Variants in OSBPL2 observed in about 807,000 individuals in gnomAD.
OSBPL2 encodes the protein oxysterol binding protein like 2, also known as oxysterol-binding protein-related protein 2.
OSBPL2 carries 18 observed loss-of-function variants against 58.4 expected under a neutral mutation model. The ratio of observed to expected loss-of-function variants is 0.31; its 90% CI spans 0.21 to 0.46. The LOEUF (loss-of-function observed/expected upper bound fraction) is 0.46. Ranked by LOEUF, OSBPL2 falls within the 20% of genes least tolerant of loss-of-function variation. The probability of loss-of-function intolerance (pLI) is 1.00; values close to 1 mark genes in which losing one functional copy is unlikely to be tolerated. For missense variants in OSBPL2, 461 were observed against 616.5 expected, an observed-to-expected ratio of 0.75 and a Z score of 2.67; for synonymous variants, 221 against 234.1, an observed-to-expected ratio of 0.94 and a Z score of 0.51.
intron 2 of OSBPL2, among the ~76,000 whole-genome samples, chr20:62,257,206 G>A (rs1394071951): frequency 6.6e-6 from 1 of 152,118 alleles, no homozygotes; most frequent in East Asian, 1.9e-4. Flanking sequence ...CAGGGTGGGT[G>A]TGTCAGGAGG....
At chr20:62,268,028 G>A (rs555482044) in intron 4 of OSBPL2, among the ~76,000 whole-genome samples, 182 of 150,548 alleles carry the variant, frequency 1.2e-3, no homozygotes, top group East Asian at 4.9e-3. Context: ...GACTACAGGC[G>A]CCTGCCACCG....
At position 62,288,306 on chromosome 20, in the gene OSBPL2, G is replaced by A. The variant is rs889561442; in HGVS notation, c.1126-901G>A. On this transcript the variant is annotated intron_variant, in intron 11 of 13. Transcript: ENST00000313733. The surrounding 1 kb of genome is among the most constrained non-coding windows in gnomAD (Gnocchi z 4.8). ...GGCAGCAACAGAAGAGGGAGGACAC[G>A]GGTGGTGGCTGGAGGGCCTGGCTGT... Among the ~76,000 whole-genome samples, 1 of 152,206 alleles carries A rather than the reference G, an allele frequency of 6.6e-6. No individual in the cohort carries two copies. Among genetic ancestry groups the A allele is most frequent in the African/African-American group, 2.4e-5 (1 of 41,446 alleles).
intron 4 of OSBPL2, among the ~76,000 whole-genome samples, chr20:62,266,298 T>C (rs1199671590): frequency 6.6e-6 from 1 of 152,150 alleles, no homozygotes; most frequent in Non-Finnish European, 1.5e-5. Flanking sequence ...GTGGGGCAGC[T>C]CCACCCCTTA....
Position 62,284,385 on chromosome 20 carries a change from T to G in OSBPL2, c.996+216T>G, listed in dbSNP as rs1982983464. On this transcript the variant is annotated intron_variant, in intron 10 of 13. Transcript: ENST00000313733. ...CTGTATTTCTTTCCATTTTTTTTTTTTTTCCCCTCCAGGCAGGGTCTCCCT... is the reference window on the plus strand; with the variant it reads ...CTGTATTTCTTTCCATTTTTTTTTTGTTTCCCCTCCAGGCAGGGTCTCCCT... The G allele has an allele frequency of 5.6e-6, 3 of 536,876 alleles. No individual in the cohort carries two copies. The Admixed American group carries it at 9.5e-5, about 17-fold the overall frequency. 33.3% of individuals were successfully genotyped at this position (536,876 alleles called of 1,614,324 possible).
intron 3 of OSBPL2, among the ~76,000 whole-genome samples, chr20:62,262,293 G>T (rs1435071354): frequency 6.6e-6 from 1 of 152,222 alleles, no homozygotes; most frequent in Admixed American, 6.5e-5. Context: ...CCCGAGCCCT[G>T]TTGCCTCCCG....
intron 7 of OSBPL2, 128 bp from the exon 8 acceptor site, chr20:62,280,930 A>G (rs1982738019): frequency 4.3e-6 from 3 of 695,764 alleles, no homozygotes; most frequent in Admixed American, 2.1e-5. Flanking sequence ...AGGGGCTTCA[A>G]AGCAGCGTGC....
Position 62,271,002 on chromosome 20 carries a change from C to T in OSBPL2, c.259-1123C>T, listed in dbSNP as rs151306140. Among the ~76,000 whole-genome samples, 216 of 148,586 alleles carry T rather than the reference C, an allele frequency of 1.5e-3. 1 individual carries two copies. Among genetic ancestry groups the T allele is most frequent in the African/African-American group, 5.1e-3 (204 of 40,240 alleles). ...GGGTCCTCTCCTTGTCCCTCTCTGG[C>T]CTCTCTGGGTCCTTTCCTTGTCCCT... is the stretch of plus-strand genomic sequence containing the variant. On this transcript the variant is annotated intron_variant, in intron 4 of 13. Coordinates refer to ENST00000313733, the MANE Select transcript of OSBPL2 (RefSeq NM_144498.4).
Position 62,291,813 on chromosome 20 carries a change from C to T in OSBPL2, c.1340+20C>T, listed in dbSNP as rs1983531548. Reference sequence around the variant, plus strand: ...GACGAGGTGAGTACTGTGGTAGCCACGCAGGCTGGGGCAGCGGGGAGGCCC... The same window carrying T: ...GACGAGGTGAGTACTGTGGTAGCCATGCAGGCTGGGGCAGCGGGGAGGCCC... On this transcript the variant is annotated intron_variant, in intron 13 of 13. Coordinates refer to ENST00000313733, the MANE Select transcript of OSBPL2 (RefSeq NM_144498.4). 1.2e-6 allele frequency: 2 copies of T among 1,605,946 alleles called. No individual in the cohort carries two copies. The highest frequency in any genetic ancestry group is 1.7e-6 in the Non-Finnish European group (2 of 1,174,218).
chr20:62,257,396 C>T (rs143176649), intron 2 of OSBPL2, among the ~76,000 whole-genome samples: 11 of 152,366 alleles, frequency 7.2e-5, no homozygotes, highest in African/African-American at 2.2e-4. Context: ...CGCTCCTTAC[C>T]GGCTTCAAAG....
intron 10 of OSBPL2, 176 bp downstream of exon 10, chr20:62,284,345 A>G: frequency 1.5e-6 from 1 of 649,422 alleles, no homozygotes; most frequent in Non-Finnish European, 2.6e-6. Flanking sequence ...TTCCAGTATC[A>G]GTGAGGGGGT....
chr20:62,278,984 G>A (rs1227218711), intron 6 of OSBPL2, 173 bp from the exon 7 acceptor site: 38 of 574,558 alleles, frequency 6.6e-5, no homozygotes, highest in Non-Finnish European at 8.9e-5. Context: ...TGTTGCCAAC[G>A]TTAGGCCAAG....
chr20:62,290,414 T>TTG (rs1983421154), intron 12 of OSBPL2, among the ~76,000 whole-genome samples: 1 of 127,326 alleles, frequency 7.9e-6, no homozygotes, highest in Non-Finnish European at 1.7e-5. Flanking sequence ...TTTTTGGGTT[T>TTG]TTTTTTTTTT....
chr20:62,291,517 T>C (rs2145981674), intron 12 of OSBPL2, 186 bp from the exon 13 acceptor site: 2 of 640,312 alleles, frequency 3.1e-6, no homozygotes, highest in Non-Finnish European at 5.7e-6. Flanking sequence ...GGAAGGGCCC[T>C]GTTGGCGTGC....
chr20:62,263,818 C>T (rs1484689132), intron 4 of OSBPL2, 127 bp downstream of exon 4: 10 of 795,270 alleles, frequency 1.3e-5, no homozygotes, highest in Non-Finnish European at 2.1e-5. Context: ...ATAATCTCAG[C>T]ACTTTGGGAG....
chr20:62,253,509 C>T (rs1364916167), intron 1 of OSBPL2, among the ~76,000 whole-genome samples: 2 of 152,148 alleles, frequency 1.3e-5, no homozygotes, highest in African/African-American at 4.8e-5. Context: ...GAGCCCCTGG[C>T]GTAGCCTGTG....
At chr20:62,259,595 C>T (rs912126444) in intron 2 of OSBPL2, among the ~76,000 whole-genome samples, 11 of 152,206 alleles carry the variant, frequency 7.2e-5, no homozygotes, top group Non-Finnish European at 1.5e-4. Flanking sequence ...TGAGCCACAA[C>T]GGGCGCATCG....
chr20:62,248,834 G>A (rs1980333424), intron 1 of OSBPL2, among the ~76,000 whole-genome samples: 1 of 152,110 alleles, frequency 6.6e-6, no homozygotes, highest in East Asian at 1.9e-4. Context: ...GGGACTTATA[G>A]GCACGTGCCA....
intron 9 of OSBPL2, among the ~76,000 whole-genome samples, chr20:62,283,435 A>G (rs1982914470): frequency 6.6e-6 from 1 of 152,162 alleles, no homozygotes; most frequent in South Asian, 2.1e-4. Flanking sequence ...AGGCGAAAGG[A>G]GAAAGAAAAT....
intron 13 of OSBPL2, among the ~76,000 whole-genome samples, chr20:62,293,113 C>T (rs1983631789): frequency 6.6e-6 from 1 of 152,056 alleles, no homozygotes; most frequent in South Asian, 2.1e-4. Context: ...CCGCCTGCCT[C>T]CAGCCTCCCA....
Sources: gnomAD v4.1 joint callset for allele counts (sites outside exome capture counted in the v4.1 genomes callset) on GRCh38, gnomAD v4.1.1 for gene constraint, Gnocchi (gnomAD v3.1) non-coding constraint, MANE v1.5 for transcripts, NCBI Gene and HGNC (gene_info 2026-07-23, HGNC 2026-07-21) for gene names.